ARPP21: variants seen among roughly 807,000 people sequenced by gnomAD.
ARPP21 encodes cAMP-regulated phosphoprotein 21.
In ARPP21, 69 loss-of-function variants were observed where a neutral mutation model predicts 113.2. The observed-to-expected ratio is 0.61, with a 90% CI of 0.50 to 0.74. The LOEUF (loss-of-function observed/expected upper bound fraction) is 0.74. Ranked by LOEUF, ARPP21 falls within the 30% of genes least tolerant of loss-of-function variation. The probability of loss-of-function intolerance (pLI) is 0.00; values close to 1 mark genes in which losing one functional copy is unlikely to be tolerated. For synonymous variants in ARPP21, 368 were observed against 375.5 expected (o/e 0.98, Z 0.23); for missense variants, 1,070 against 1,037.4 (o/e 1.03, Z -0.43).
intron 9 of ARPP21, among the ~76,000 whole-genome samples, chr3:35,702,990 T>A (rs1238704274): frequency 6.6e-6 from 1 of 151,846 alleles, no homozygotes; most frequent in Non-Finnish European, 1.5e-5. Context: ...TATACTGTTG[T>A]GCATAGAAAC....
chr3:35,760,514 A>G (rs1301000156), intron 19 of ARPP21, among the ~76,000 whole-genome samples: 1 of 151,954 alleles, frequency 6.6e-6, no homozygotes, highest in Non-Finnish European at 1.5e-5. Context: ...GGGGAAGATA[A>G]CAGGCACAGA....
At chr3:35,782,116 C>T (rs371554004) in intron 19 of ARPP21, among the ~76,000 whole-genome samples, 1 of 152,110 alleles carries the variant, frequency 6.6e-6, no homozygotes, top group East Asian at 1.9e-4. Flanking sequence ...GCATTTTGTA[C>T]GTACATATGC....
At chr3:35,681,563 G>T in intron 2 of ARPP21, 151 bp from the exon 3 acceptor site, 1 of 551,560 alleles carries the variant, frequency 1.8e-6, no homozygotes, top group Non-Finnish European at 3.2e-6. Flanking sequence ...CATGCCTTGG[G>T]TACTTGATTT....
chr3:35,779,273 A>T (rs2096466113), intron 19 of ARPP21, among the ~76,000 whole-genome samples: 1 of 152,200 alleles, frequency 6.6e-6, no homozygotes, highest in Non-Finnish European at 1.5e-5. Context: ...TCTCCCAATT[A>T]TGAAGTACTT....
intron 19 of ARPP21, among the ~76,000 whole-genome samples, chr3:35,748,030 AG>A (rs2095193690): frequency 6.9e-6 from 1 of 144,830 alleles, no homozygotes; most frequent in African/African-American, 2.7e-5. Flanking sequence ...AAAGACAGAA[AG>A]AGAAAGGAGA....
chr3:35,778,224 G>C (rs1435758118), intron 19 of ARPP21, among the ~76,000 whole-genome samples: 1 of 152,172 alleles, frequency 6.6e-6, no homozygotes, highest in Non-Finnish European at 1.5e-5. Flanking sequence ...TCTTTGAAGG[G>C]AAGGGGAGTG....
At chr3:35,691,501 G>A (rs1047022622) in intron 9 of ARPP21, among the ~76,000 whole-genome samples, 1 of 151,526 alleles carries the variant, frequency 6.6e-6, no homozygotes, top group African/African-American at 2.4e-5. Context: ...TACTAGTTGT[G>A]TGACTTGGAG....
intron 19 of ARPP21, chr3:35,785,237 A>G (rs1330101712): frequency 3.3e-5 from 5 of 152,166 alleles, no homozygotes; most frequent in Admixed American, 1.3e-4. Context: ...CAAGAATGCC[A>G]CATTTTCTTC....
chr3:35,779,948 T>A (rs546391492), intron 19 of ARPP21, among the ~76,000 whole-genome samples: 2 of 152,308 alleles, frequency 1.3e-5, no homozygotes, highest in African/African-American at 4.8e-5. Flanking sequence ...ACTGTGCTGT[T>A]AGAAGGAACC....
At chr3:35,734,900 A>C (rs912824545) in intron 15 of ARPP21, among the ~76,000 whole-genome samples, 1 of 152,190 alleles carries the variant, frequency 6.6e-6, no homozygotes, top group Non-Finnish European at 1.5e-5. Flanking sequence ...GTGTGACTTC[A>C]CTCAGAATGA....
At chr3:35,716,480 A>C (rs2092415653) in intron 12 of ARPP21, among the ~76,000 whole-genome samples, 1 of 152,096 alleles carries the variant, frequency 6.6e-6, no homozygotes, top group East Asian at 1.9e-4. Flanking sequence ...CCCTTAATAG[A>C]ATAACCTCTT....
intron 5 of ARPP21, chr3:35,684,623 C>T (rs990107438): frequency 3.0e-6 from 3 of 985,178 alleles, no homozygotes; most frequent in African/African-American, 3.5e-5. Context: ...TTTACCTGAG[C>T]CCAGGGGAGG....
intron 19 of ARPP21, among the ~76,000 whole-genome samples, chr3:35,784,214 A>C (rs1370467179): frequency 6.6e-6 from 1 of 152,224 alleles, no homozygotes; most frequent in East Asian, 1.9e-4. Context: ...AAAGCAACAA[A>C]AATGTACATG....
At chr3:35,716,901 A>G (rs2092482110) in intron 12 of ARPP21, among the ~76,000 whole-genome samples, 1 of 152,092 alleles carries the variant, frequency 6.6e-6, no homozygotes, top group African/African-American at 2.4e-5. Flanking sequence ...CTTACCACCA[A>G]AAATAAATAC....
chr3:35,710,446 T>C (rs1341140818), intron 11 of ARPP21, among the ~76,000 whole-genome samples: 3 of 152,104 alleles, frequency 2.0e-5, no homozygotes, highest in Admixed American at 2.0e-4. Context: ...CATTTTCCTG[T>C]CTGAAGACCT....
chr3:35,739,578 G>C lies in ARPP21; in HGVS notation c.2010+1G>C, dbSNP rs527853977. The C allele has an allele frequency of 1.2e-6, 2 of 1,607,754 alleles. No homozygotes were observed. Among genetic ancestry groups the C allele is most frequent in the South Asian group, 2.2e-5 (2 of 90,150 alleles). On this transcript the variant is annotated splice_donor_variant, in intron 18 of 20. Transcript: ENST00000684406. LOFTEE classifies it high-confidence loss of function. ...TGTGCAACAGCCTCCGCCTGCACAG[G>C]TAGGTGTGCTTCCTCATGCCTGTGA...
In ARPP21 at chr3:35,721,964, C is replaced by T. The variant is rs1301449388; in HGVS notation, c.1225+130C>T. 16 of 637,038 alleles carry T rather than the reference C, an allele frequency of 2.5e-5. No homozygotes were observed. In the East Asian group the frequency reaches 2.5e-4, roughly 10 times the overall value. 39.5% of individuals were successfully genotyped at this position (637,038 alleles called of 1,614,324 possible). On this transcript the variant is annotated intron_variant, in intron 14 of 20. Transcript: ENST00000684406. Reference sequence around the variant, plus strand: ...ATTAATCACAGGGATAGCTGGAAATCAGAAGGTACAATTTAAATAGGTTAC... The same window carrying T: ...ATTAATCACAGGGATAGCTGGAAATTAGAAGGTACAATTTAAATAGGTTAC...
intron 11 of ARPP21, among the ~76,000 whole-genome samples, chr3:35,712,514 CTGTGTGTGTGTG>C (rs10579469): frequency 0.012 from 1,561 of 132,912 alleles, 35 homozygotes; most frequent in African/African-American, 0.041. Context: ...TCTAAGGTGT[CTGTGTGTGTGTG>C]TGTGTGTGTG....
At position 35,739,433 on chromosome 3, in the gene ARPP21, C is replaced by A. The variant is rs776290896; in HGVS notation, c.1866C>A (p.Ala622=). The change falls in exon 18 of 21, where the codon GCC becomes GCA. Residue 622 remains alanine (A), a synonymous_variant. Coordinates refer to ENST00000684406, the MANE Select transcript of ARPP21 (RefSeq NM_001385562.1). The part of the protein sequence containing the change: ...VYPSSLMPQP[A]QQPSYVIAST... ...CATCCTCCCTTATGCCACAGCCGGCCCAGCAGCCCAGCTATGTAATCGCCT... is the reference window on the plus strand; with the variant it reads ...CATCCTCCCTTATGCCACAGCCGGCACAGCAGCCCAGCTATGTAATCGCCT... The A allele has an allele frequency of 2.6e-5, 42 of 1,614,144 alleles. No individual in the cohort carries two copies. Among genetic ancestry groups the A allele is most frequent in the Non-Finnish European group, 3.1e-5 (37 of 1,180,034 alleles).
Sources: gnomAD v4.1 joint callset for allele counts (sites outside exome capture counted in the v4.1 genomes callset) on GRCh38, gnomAD v4.1.1 for gene constraint, MANE v1.5 for transcripts, NCBI Gene and HGNC (gene_info 2026-07-23, HGNC 2026-07-21) for gene names.